WDR35: variants seen among roughly 807,000 people sequenced by gnomAD.
WDR35 encodes the protein WD repeat-containing protein 35.
A neutral mutation model predicts 158.3 loss-of-function variants in WDR35; 118 were observed. The observed-to-expected ratio is 0.75, with a 90% CI of 0.64 to 0.87. WDR35 has a LOEUF of 0.87. Ranked by LOEUF, WDR35 falls within the 40% of genes least tolerant of loss-of-function variation. The pLI is 0.00. For synonymous variants in WDR35, 448 were observed against 476.1 expected, an observed-to-expected ratio of 0.94 and a Z score of 0.77; for missense variants, 1,263 against 1,405.8, an observed-to-expected ratio of 0.90 and a Z score of 1.62.
In WDR35 at chr2:19,913,368, C is replaced by A; in HGVS notation, c.*190G>T. 1.8e-6 allele frequency: 1 copy of A among 567,178 alleles called. No homozygotes were observed. The highest frequency in any genetic ancestry group is 3.1e-5 in the South Asian group (1 of 32,016). The allele number at this position is 567,178 out of a possible 1,614,324, so 35.1% of individuals were successfully genotyped here. ...TTCATACATTTATATGAAAATCGGC[C>A]TTATTATTTCACAGTTGTATTGCCA... On this transcript the variant is annotated 3_prime_UTR_variant, in exon 27 of 27. Coordinates refer to ENST00000281405, the MANE Select transcript of WDR35 (RefSeq NM_020779.4).
chr2:19,940,396 C>T (rs2028207), intron 17 of WDR35, among the ~76,000 whole-genome samples: 99,722 of 151,860 alleles, frequency 0.66, 33,248 homozygotes, highest in East Asian at 0.9. Flanking sequence ...TTTCTTCACA[C>T]GTGTGGAAAA....
chr2:19,920,573 C>T (rs960029060), intron 25 of WDR35, among the ~76,000 whole-genome samples: 12 of 152,170 alleles, frequency 7.9e-5, no homozygotes, highest in African/African-American at 2.7e-4. Flanking sequence ...ACTGATGGAA[C>T]ATATCTCAAA....
chr2:19,953,168 A>G (rs1266190473), intron 12 of WDR35, among the ~76,000 whole-genome samples: 1 of 152,236 alleles, frequency 6.6e-6, no homozygotes, highest in Non-Finnish European at 1.5e-5. Flanking sequence ...ACAGAAGAGC[A>G]GCAAACACAG....
intron 10 of WDR35, among the ~76,000 whole-genome samples, chr2:19,963,358 T>C (rs773979539): frequency 2.8e-5 from 4 of 144,408 alleles, no homozygotes; most frequent in Non-Finnish European, 4.7e-5. Flanking sequence ...GCTTTCTCTG[T>C]AGTCGATAAT....
chr2:19,933,863 A>G (rs373706450), intron 21 of WDR35, among the ~76,000 whole-genome samples: 2 of 152,162 alleles, frequency 1.3e-5, no homozygotes, highest in South Asian at 2.1e-4. Context: ...TTGGTGGTAT[A>G]CTCAGTGCTA....
chr2:19,974,641 A>C lies in WDR35; in HGVS notation c.571-8T>G. On this transcript the variant is annotated splice_polypyrimidine_tract_variant and splice_region_variant and intron_variant, in intron 6 of 26. Coordinates refer to ENST00000281405, the MANE Select transcript of WDR35 (RefSeq NM_020779.4). ...ACTCAGTTTCATTTTTATCTAAATA[A>C]AATTGGTTAGGTTTAATATTTTACA... is the stretch of plus-strand genomic sequence containing the variant. 6.2e-7 allele frequency: 1 copy of C among 1,611,828 alleles called. No individual in the cohort carries two copies. The highest frequency in any genetic ancestry group is 1.1e-5 in the South Asian group (1 of 90,796).
rs1437894301 is a variant in WDR35 at position 19,913,173 on chromosome 2, T to A, written c.*385A>T. On this transcript the variant is annotated 3_prime_UTR_variant, in exon 27 of 27. Transcript: ENST00000281405. ...GTTATAAAAATTCTCTAAATTCAAC[T>A]TTGCCCCACTCCCATGCTTCCCCCA... is the stretch of plus-strand genomic sequence containing the variant. 6.1e-6 allele frequency: 1 copy of A among 164,038 alleles called. No homozygotes were observed. The highest frequency in any genetic ancestry group is 1.3e-5 in the Non-Finnish European group (1 of 75,586). The allele number at this position is 164,038 out of a possible 1,614,324, so 10.2% of individuals were successfully genotyped here. A position where few individuals can be genotyped will look rare whatever the true frequency, so the allele number is the denominator to read the frequency against.
intron 17 of WDR35, among the ~76,000 whole-genome samples, chr2:19,940,295 G>A (rs1156646006): frequency 6.6e-6 from 1 of 152,092 alleles, no homozygotes; most frequent in Middle Eastern, 3.4e-3. Context: ...TGAGCCTGGG[G>A]GGCAGAGGCT....
intron 16 of WDR35, among the ~76,000 whole-genome samples, 194 bp from the exon 17 acceptor site, chr2:19,942,033 G>A (rs769155697): frequency 1.3e-5 from 2 of 152,136 alleles, no homozygotes; most frequent in South Asian, 2.1e-4. Context: ...CTGAAGTATT[G>A]TAAAGTAAAT....
intron 2 of WDR35, among the ~76,000 whole-genome samples, chr2:19,983,689 T>C (rs1672460345): frequency 6.6e-6 from 1 of 152,184 alleles, no homozygotes; most frequent in Non-Finnish European, 1.5e-5. Context: ...ATGAAAAATA[T>C]CCTTTATTCT....
At position 19,930,250 on chromosome 2, in the gene WDR35, G is replaced by A. The variant is rs1413425876; in HGVS notation, c.3121+146C>T. 7.7e-6 allele frequency: 9 copies of A among 1,173,238 alleles called. No individual in the cohort carries two copies. The Admixed American group carries it at 1.6e-4, about 21-fold the overall frequency. 72.7% of individuals were successfully genotyped at this position (1,173,238 alleles called of 1,614,324 possible). A position where few individuals can be genotyped will look rare whatever the true frequency, so the allele number is the denominator to read the frequency against. On this transcript the variant is annotated intron_variant, in intron 25 of 26. Transcript: ENST00000281405. Reference sequence around the variant, plus strand: ...TGTATTAAAAAAAACTTCAAAAATGGGAATGCATAAGACTCAAACATAGGA... The same window carrying A: ...TGTATTAAAAAAAACTTCAAAAATGAGAATGCATAAGACTCAAACATAGGA...
chr2:19,957,199 G>A (rs1455746453), intron 11 of WDR35, among the ~76,000 whole-genome samples: 5 of 152,076 alleles, frequency 3.3e-5, no homozygotes, highest in African/African-American at 4.8e-5. Flanking sequence ...GTTAGACATG[G>A]TTGCTATTGT....
Position 19,978,796 on chromosome 2 carries a change from A to C in WDR35, c.391T>G (p.Cys131Gly). The C allele has an allele frequency of 6.2e-7, 1 of 1,613,938 alleles. No homozygotes were observed. Among genetic ancestry groups the C allele is most frequent in the Non-Finnish European group, 8.5e-7 (1 of 1,179,886 alleles). ...ACAGCCCCATCTTCATATACAATGCAGATCTTCTGTCCGTCAGCATTCCAG... is the reference window on the plus strand; with the variant it reads ...ACAGCCCCATCTTCATATACAATGCCGATCTTCTGTCCGTCAGCATTCCAG... ...MSWNADGQKI[C>G]IVYEDGAVIV... The change falls in exon 5 of 27, where the codon TGC becomes GGC. Residue 131 changes from cysteine to glycine, a missense_variant. By Grantham distance (159) the Cys-to-Gly change is radical. Transcript: ENST00000281405.
At chr2:19,943,346 A>C (rs903090867) in intron 16 of WDR35, among the ~76,000 whole-genome samples, 1 of 152,230 alleles carries the variant, frequency 6.6e-6, no homozygotes, top group Non-Finnish European at 1.5e-5. Flanking sequence ...GACACATGAG[A>C]CTTTTATCAA....
At chr2:19,969,369 G>T (rs945186938) in intron 9 of WDR35, 111 bp downstream of exon 9, 3 of 1,161,944 alleles carry the variant, frequency 2.6e-6, no homozygotes, top group East Asian at 2.6e-5. Flanking sequence ...ACACAAAAAG[G>T]CTTCCTTTCT....
chr2:19,925,640 G>A (rs943909248), intron 25 of WDR35, among the ~76,000 whole-genome samples: 1 of 152,290 alleles, frequency 6.6e-6, no homozygotes, highest in East Asian at 1.9e-4. Context: ...ATTGTGAAGG[G>A]CCCGATGGAC....
chr2:19,967,422 CCT>C (rs1671892798), intron 9 of WDR35, among the ~76,000 whole-genome samples: 1 of 152,118 alleles, frequency 6.6e-6, no homozygotes, highest in Admixed American at 6.5e-5. Context: ...TGCCAAATTT[CCT>C]CTCTCTAGAA....
At chr2:19,923,010 C>T (rs914195773) in intron 25 of WDR35, among the ~76,000 whole-genome samples, 1 of 152,240 alleles carries the variant, frequency 6.6e-6, no homozygotes, top group Non-Finnish European at 1.5e-5. Context: ...CCAGACCCAT[C>T]CCTTTATTTC....
intron 19 of WDR35, 112 bp from the exon 20 acceptor site, chr2:19,936,477 T>G: frequency 2.0e-6 from 3 of 1,485,680 alleles, no homozygotes; most frequent in Non-Finnish European, 2.8e-6. Context: ...CAGTGGACAA[T>G]GTGACTCTCC....
Sources: allele counts gnomAD v4.1 joint callset (sites outside exome capture counted in the v4.1 genomes callset), GRCh38; gene constraint gnomAD v4.1.1; transcripts MANE v1.5; gene names NCBI Gene and HGNC (gene_info 2026-07-23, HGNC 2026-07-21).